ACOX3: variants seen among roughly 807,000 people sequenced by gnomAD.
ACOX3 encodes acyl-CoA oxidase 3, pristanoyl.
In ACOX3, 73 loss-of-function variants were observed where a neutral mutation model predicts 81.5. The ratio of observed to expected loss-of-function variants is 0.90; its 90% CI spans 0.74 to 1.09. The LOEUF is 1.09. ACOX3 is among the 50% of genes least tolerant of loss of function. The pLI is 0.00. For missense variants in ACOX3, 947 were observed against 928.0 expected (o/e 1.02, Z -0.27); for synonymous variants, 387 against 375.1 (o/e 1.03, Z -0.37).
In ACOX3 at chr4:8,375,130, G is replaced by A. The variant is rs1716771453; in HGVS notation, c.1676C>T (p.Ala559Val). Residue 559 changes from alanine to valine, a missense_variant, in exon 15 of 18, where the codon GCG (alanine) becomes GTG (valine). By Grantham distance (64) the Ala-to-Val change is moderately conservative (BLOSUM62 0). Transcript: ENST00000356406. The part of the protein sequence containing the change: ...KCQVSHGRPL[A>V]LAFVELTVVQ... ...CACCGTGAGCTCCACGAAGGCCAGC[G>A]CCAACGGACGGCCGTGGGACACCTG... The A allele has an allele frequency of 3.2e-6, 5 of 1,549,532 alleles. No individual in the cohort carries two copies. The highest frequency in any genetic ancestry group is 2.7e-5 in the African/African-American group (2 of 73,560).
At chr4:8,417,174 C>T (rs1032507858) in intron 1 of ACOX3, among the ~76,000 whole-genome samples, 19 of 152,262 alleles carry the variant, frequency 1.2e-4, no homozygotes, top group African/African-American at 4.6e-4. Context: ...TAGACTGGGT[C>T]CTTTTCCAAG....
chr4:8,423,478 G>A lies in ACOX3; in HGVS notation c.-14-6943C>T, dbSNP rs578139712. 1.9e-4 allele frequency among the ~76,000 whole-genome samples: 29 copies of A among 152,086 alleles called. No homozygotes were observed. The highest frequency in any genetic ancestry group is 3.7e-4 in the Non-Finnish European group (25 of 68,018). ...CCAAAGGCAGTACCCTCTTAGACCC[G>A]AGGCCCAACAAGGACTCCAAAAGAT... On this transcript the variant is annotated intron_variant, in intron 1 of 17. Transcript: ENST00000356406. This position sits in a 1 kb window ranked among gnomAD's most constrained non-coding sequence, Gnocchi z 4.2.
rs1230934192 is a variant in ACOX3, at chr4:8,437,040, T to A, written c.-15+3608A>T. On this transcript the variant is annotated intron_variant, in intron 1 of 17. Coordinates refer to ENST00000356406, the MANE Select transcript of ACOX3 (RefSeq NM_003501.3). This position sits in a 1 kb window ranked among gnomAD's most constrained non-coding sequence, Gnocchi z 5.2. ...ATATATATATTCGAAAAAATATATA[T>A]AAATATATATATACAAATATATGTA... Among the ~76,000 whole-genome samples the A allele has an allele frequency of 7.0e-6, 1 of 142,798 alleles. No individual in the cohort carries two copies. The highest frequency in any genetic ancestry group is 1.5e-5 in the Non-Finnish European group (1 of 66,136). 93.7% of individuals were successfully genotyped at this position (142,798 alleles called of 152,430 possible).
chr4:8,428,415 C>T (rs937024814), intron 1 of ACOX3: 3 of 152,752 alleles, frequency 2.0e-5, no homozygotes, highest in Non-Finnish European at 4.4e-5. Context: ...ACTAGCTGCC[C>T]GCACAGCGCA....
chr4:8,394,710 G>C lies in ACOX3; in HGVS notation c.1089C>G (p.Val363=), dbSNP rs375237494. ...ACTTGGAGAAATGGTCTAAGGCGTA[G>C]ACAGCTGCCAGATATGGAAGCAAGC... The part of the protein sequence containing the change: ...QWRLLPYLAA[V]YALDHFSKSL... The change falls in exon 10 of 18, where the codon GTC becomes GTG. Residue 363 remains valine (V), a synonymous_variant. Coordinates refer to ENST00000356406, the MANE Select transcript of ACOX3 (RefSeq NM_003501.3). The surrounding 1 kb of genome is among the most constrained non-coding windows in gnomAD (Gnocchi z 5.9). The C allele has an allele frequency of 1.9e-6, 3 of 1,613,638 alleles. No homozygotes were observed. The African/African-American group carries it at 4.0e-5, about 22-fold the overall frequency.
intron 1 of ACOX3, among the ~76,000 whole-genome samples, chr4:8,424,018 G>A (rs1263591976): frequency 6.6e-6 from 1 of 152,198 alleles, no homozygotes; most frequent in Non-Finnish European, 1.5e-5. Flanking sequence ...TGGCTACAAG[G>A]TTTCCAGACC....
intron 1 of ACOX3, among the ~76,000 whole-genome samples, chr4:8,422,331 G>T (rs1723035525): frequency 6.6e-6 from 1 of 152,134 alleles, no homozygotes; most frequent in African/African-American, 2.4e-5. Flanking sequence ...ACCTATAATT[G>T]ATAATTGAAG....
Position 8,416,351 on chromosome 4 carries a change from C to T in ACOX3, c.144+27G>A. On this transcript the variant is annotated intron_variant, in intron 2 of 17. Coordinates refer to ENST00000356406, the MANE Select transcript of ACOX3 (RefSeq NM_003501.3). The surrounding 1 kb of genome is among the most constrained non-coding windows in gnomAD (Gnocchi z 4.2). ...ACTAAGACCCCACTGGGAAAAAAGA[C>T]AAGCTGCGCACAACCGCACGCCTCA... The T allele has an allele frequency of 6.2e-7, 1 of 1,613,994 alleles. No individual in the cohort carries two copies. The highest frequency in any genetic ancestry group is 8.5e-7 in the Non-Finnish European group (1 of 1,180,022).
In ACOX3 at chr4:8,368,730, C is replaced by CTTT. The variant is rs1427735857; in HGVS notation, c.1984-1653_1984-1651dup. 7.2e-6 allele frequency among the ~76,000 whole-genome samples: 1 copy of CTTT among 139,310 alleles called. No homozygotes were observed. 91.4% of individuals were successfully genotyped at this position (139,310 alleles called of 152,430 possible). A position where few individuals can be genotyped will look rare whatever the true frequency, so the allele number is the denominator to read the frequency against. ...GTTCCTTGCAACTGGAAGGAATGCA[C>CTTT]TTTTTTTTTTTTTTTTGAGATGAGG... On this transcript the variant is annotated intron_variant, in intron 17 of 17. Transcript: ENST00000356406. The surrounding 1 kb of genome is among the most constrained non-coding windows in gnomAD (Gnocchi z 5.9).
chr4:8,386,437 G>C lies in ACOX3; in HGVS notation c.1537+2736C>G, dbSNP rs1718306681. On this transcript the variant is annotated intron_variant, in intron 13 of 17. Coordinates refer to ENST00000356406, the MANE Select transcript of ACOX3 (RefSeq NM_003501.3). This position sits in a 1 kb window ranked among gnomAD's most constrained non-coding sequence, Gnocchi z 5.2. ...AAAAATTAGCCGGGTGTGGTTGTGG[G>C]CTCCTGTAGTCCCAGCTACTCCGGA... Among the ~76,000 whole-genome samples the C allele has an allele frequency of 1.3e-5, 2 of 151,934 alleles. No homozygotes were observed. Among genetic ancestry groups the C allele is most frequent in the Non-Finnish European group, 2.9e-5 (2 of 67,992 alleles).
At chr4:8,369,097 G>C (rs1289615526) in intron 17 of ACOX3, among the ~76,000 whole-genome samples, 1 of 152,140 alleles carries the variant, frequency 6.6e-6, no homozygotes, top group Non-Finnish European at 1.5e-5. Context: ...TCCTTTCCTT[G>C]GTCGTTCCCT....
chr4:8,386,562 T>G lies in ACOX3; in HGVS notation c.1537+2611A>C, dbSNP rs1270394788. Among the ~76,000 whole-genome samples the G allele has an allele frequency of 1.4e-5, 2 of 138,240 alleles. No individual in the cohort carries two copies. Among genetic ancestry groups the G allele is most frequent in the Admixed American group, 7.3e-5 (1 of 13,632 alleles). 90.7% of individuals were successfully genotyped at this position (138,240 alleles called of 152,430 possible). On this transcript the variant is annotated intron_variant, in intron 13 of 17. Transcript: ENST00000356406. The surrounding 1 kb of genome is among the most constrained non-coding windows in gnomAD (Gnocchi z 5.2). ...GCCTGGGCGACAGAGCGAGACTCCG[T>G]CTCAAAAAAAAAAAAAAAAAGAAAG...
At position 8,371,655 on chromosome 4, in the gene ACOX3, G is replaced by A. The variant is rs537785828; in HGVS notation, c.1897-661C>T. Among the ~76,000 whole-genome samples the A allele has an allele frequency of 2.4e-4, 36 of 152,392 alleles. No homozygotes were observed. In the South Asian group the frequency reaches 3.9e-3, roughly 17 times the overall value. ...CAATCAGTCAGTACAGAGTAAGAAA[G>A]GCCACAATGGAGGAACTGAGTGCAC... On this transcript the variant is annotated intron_variant, in intron 16 of 17. Transcript: ENST00000356406.
Position 8,410,365 on chromosome 4 carries a change from G to C in ACOX3, c.544-10C>G, listed in dbSNP as rs1241240581. 6.2e-7 allele frequency: 1 copy of C among 1,612,700 alleles called. No homozygotes were observed. The highest frequency in any genetic ancestry group is 1.3e-5 in the African/African-American group (1 of 74,906). On this transcript the variant is annotated splice_polypyrimidine_tract_variant and intron_variant, in intron 5 of 17. Transcript: ENST00000356406. ...AATGTATGATGAATTCCTGCACAAG[G>C]GAAAATTTAGGTTAGTTATAATTAG...
In ACOX3 at chr4:8,397,107, G is replaced by C. The variant is rs1310416814; in HGVS notation, c.886C>G (p.Arg296Gly). The change falls in exon 9 of 18, where the codon CGC becomes GGC. Residue 296 changes from arginine (R) to glycine (G), a missense_variant. Transcript: ENST00000356406. ...YVSPFKDVRQ[R>G]FGASLGSLSS... is the part of the protein sequence containing the mutation. The stretch of plus-strand genomic sequence containing the variant: ...AGGCTCCCCAGGGACGCTCCAAAGC[G>C]CTGCCTGACGTCCTACGGGAGGGAC... 2 of 1,557,292 alleles carry C rather than the reference G, an allele frequency of 1.3e-6. No individual in the cohort carries two copies. The highest frequency in any genetic ancestry group is 1.7e-6 in the Non-Finnish European group (2 of 1,155,264).
intron 7 of ACOX3, among the ~76,000 whole-genome samples, chr4:8,401,867 AC>A (rs1459534192): frequency 6.6e-6 from 1 of 152,110 alleles, no homozygotes; most frequent in Non-Finnish European, 1.5e-5. Flanking sequence ...CCCTCGGCCC[AC>A]CTGGGAATTC....
intron 13 of ACOX3, among the ~76,000 whole-genome samples, chr4:8,387,861 C>T (rs1476061517): frequency 6.6e-6 from 1 of 152,228 alleles, no homozygotes; most frequent in African/African-American, 2.4e-5. Context: ...ACACGCAGAG[C>T]TCGGCTGGGT....
Position 8,394,538 on chromosome 4 carries a change from CT to C in ACOX3, c.1179+81del. 6.4e-7 allele frequency: 1 copy of C among 1,550,778 alleles called. No individual in the cohort carries two copies. ...CTCGCAAATCAAAGGACTGATTTTGCTTTGAAATGAAGGTTGAATCTATGCT... is the reference window on the plus strand; with the variant it reads ...CTCGCAAATCAAAGGACTGATTTTGCTTGAAATGAAGGTTGAATCTATGCT... On this transcript the variant is annotated intron_variant, in intron 10 of 17. Coordinates refer to ENST00000356406, the MANE Select transcript of ACOX3 (RefSeq NM_003501.3). The surrounding 1 kb of genome is among the most constrained non-coding windows in gnomAD (Gnocchi z 5.9).
chr4:8,391,606 C>T (rs2108865292), intron 11 of ACOX3, among the ~76,000 whole-genome samples: 1 of 152,360 alleles, frequency 6.6e-6, no homozygotes, highest in East Asian at 1.9e-4. Flanking sequence ...ATAAAAAAGT[C>T]ATTGGGCACG....
Sources: gnomAD v4.1 joint callset for allele counts (sites outside exome capture counted in the v4.1 genomes callset) on GRCh38, gnomAD v4.1.1 for gene constraint, Gnocchi (gnomAD v3.1) non-coding constraint, MANE v1.5 for transcripts, NCBI Gene and HGNC (gene_info 2026-07-23, HGNC 2026-07-21) for gene names.